PCDHGA5: variants seen among roughly 807,000 people sequenced by gnomAD.
The protein encoded by PCDHGA5 is protocadherin gamma-A5.
In PCDHGA5, 36 loss-of-function variants were observed where a neutral mutation model predicts 56.7. The observed-to-expected ratio is 0.64, with a 90% CI of 0.49 to 0.84. The LOEUF (loss-of-function observed/expected upper bound fraction) is 0.84, where lower values mean the gene tolerates loss of function less well. PCDHGA5 is among the 40% of genes least tolerant of loss of function. The probability of loss-of-function intolerance (pLI) is 0.00; values close to 1 mark genes in which losing one functional copy is unlikely to be tolerated. For missense variants in PCDHGA5, 1,305 were observed against 1,201.5 expected (o/e 1.09, Z -1.27); for synonymous variants, 563 against 520.2 (o/e 1.08, Z -1.12).
At chr5:141,483,801 C>CT (rs1486591615) in intron 1 of PCDHGA5, among the ~76,000 whole-genome samples, 8 of 152,168 alleles carry the variant, frequency 5.3e-5, no homozygotes, top group Non-Finnish European at 8.8e-5. Flanking sequence ...GTTGTTGCTG[C>CT]TTTTTTTGGC....
In PCDHGA5 at chr5:141,476,707, G is replaced by A. The variant is rs1309848893; in HGVS notation, c.2422-18100G>A. 6.2e-7 allele frequency: 1 copy of A among 1,614,206 alleles called. No individual in the cohort carries two copies. The highest frequency in any genetic ancestry group is 1.7e-5 in the Admixed American group (1 of 60,032). On this transcript the variant is annotated intron_variant, in intron 1 of 3. Coordinates refer to ENST00000518069, the MANE Select transcript of PCDHGA5 (RefSeq NM_018918.3). This position sits in a 1 kb window ranked among gnomAD's most constrained non-coding sequence, Gnocchi z 7.6. ...ACAGCACCAAGTACGCGGAGCTGGT[G>A]TTGGAGCGCGCCCTGGACCGAGAAC...
chr5:141,396,720 C>T (rs1432240411), intron 1 of PCDHGA5: 1 of 151,964 alleles, frequency 6.6e-6, no homozygotes, highest in Non-Finnish European at 1.5e-5. Flanking sequence ...AAGCTAATAC[C>T]TGAATTGATT....
rs936750924 is a variant in PCDHGA5, at chr5:141,418,950, T to A, written c.2421+52199T>A. On this transcript the variant is annotated intron_variant, in intron 1 of 3. Transcript: ENST00000518069. ...ATTATGGAGGATTCCCCTCCAGGAG[T>A]GGTTGTTGCCCTCTTCAAAACACGG... 23 of 1,613,742 alleles carry A rather than the reference T, an allele frequency of 1.4e-5. No individual in the cohort carries two copies. Among genetic ancestry groups the A allele is most frequent in the Non-Finnish European group, 1.9e-5 (23 of 1,179,860 alleles).
chr5:141,402,749 G>A (rs768250544), intron 1 of PCDHGA5, among the ~76,000 whole-genome samples: 4 of 152,152 alleles, frequency 2.6e-5, no homozygotes, highest in Non-Finnish European at 5.9e-5. Flanking sequence ...TCAACTCTAA[G>A]CGAAAATCAG....
chr5:141,372,095 G>C (rs1359793562), intron 1 of PCDHGA5: 1 of 1,613,790 alleles, frequency 6.2e-7, no homozygotes, highest in Admixed American at 1.7e-5. Context: ...ACCCAGCTCT[G>C]GGGCCCGAAG....
intron 1 of PCDHGA5, among the ~76,000 whole-genome samples, chr5:141,381,944 C>G (rs1777787484): frequency 6.7e-6 from 1 of 149,738 alleles, no homozygotes; most frequent in African/African-American, 2.5e-5. Context: ...ATTTTCCTGC[C>G]TCAGCCTCCT....
rs764658508 is a variant in PCDHGA5 at position 141,431,546 on chromosome 5, G to A, written c.2422-63261G>A. 1.2e-6 allele frequency: 2 copies of A among 1,614,000 alleles called. No homozygotes were observed. Among genetic ancestry groups the A allele is most frequent in the Admixed American group, 3.3e-5 (2 of 60,012 alleles). On this transcript the variant is annotated intron_variant, in intron 1 of 3. Coordinates refer to ENST00000518069, the MANE Select transcript of PCDHGA5 (RefSeq NM_018918.3). This position sits in a 1 kb window ranked among gnomAD's most constrained non-coding sequence, Gnocchi z 4.8. The stretch of plus-strand genomic sequence containing the variant: ...TCTGGCCTTGGGCACGCAGCTGCTT[G>A]TAGTCAACGCTACCGACCCTGACGA...
chr5:141,399,561 GT>G, intron 1 of PCDHGA5: 1 of 1,614,042 alleles, frequency 6.2e-7, no homozygotes, highest in Non-Finnish European at 8.5e-7. Context: ...TGGACTTGGG[GT>G]TGAACGGCCA....
chr5:141,472,364 AC>A (rs2099278314), intron 1 of PCDHGA5, among the ~76,000 whole-genome samples: 1 of 151,866 alleles, frequency 6.6e-6, no homozygotes, highest in Non-Finnish European at 1.5e-5. Flanking sequence ...ACACGGTGAA[AC>A]CCCGTCTCCA....
At chr5:141,385,018 T>TTCGTCC in intron 1 of PCDHGA5, 1 of 1,614,144 alleles carries the variant, frequency 6.2e-7, no homozygotes, top group Non-Finnish European at 8.5e-7. Flanking sequence ...CTTCCTAGCC[T>TTCGTCC]TCGTCCTCGT....
rs779459928 is a variant in PCDHGA5, at chr5:141,375,433, C to G, written c.2421+8682C>G. 39 of 1,613,898 alleles carry G rather than the reference C, an allele frequency of 2.4e-5. No homozygotes were observed. The South Asian group carries it at 4.3e-4, about 18-fold the overall frequency. ...TGGCAGACACCAACGACAACCCGCC[C>G]ACCTTCCCCCATTCATCCTACTCAG... On this transcript the variant is annotated intron_variant, in intron 1 of 3. Coordinates refer to ENST00000518069, the MANE Select transcript of PCDHGA5 (RefSeq NM_018918.3).
chr5:141,372,405 A>T, intron 1 of PCDHGA5: 2 of 1,614,024 alleles, frequency 1.2e-6, no homozygotes, highest in Non-Finnish European at 1.7e-6. Context: ...CTTGCAAGAG[A>T]TACAACCTGA....
At chr5:141,375,183 C>T (rs773640182) in intron 1 of PCDHGA5, 12 of 1,613,848 alleles carry the variant, frequency 7.4e-6, no homozygotes, top group Admixed American at 1.7e-5. Flanking sequence ...ACAGTAATCG[C>T]CCTTTTTCAA....
rs771647688 is a variant in PCDHGA5 at position 141,399,795 on chromosome 5, G to A, written c.2421+33044G>A. 10 of 1,613,202 alleles carry A rather than the reference G, an allele frequency of 6.2e-6. No individual in the cohort carries two copies. In the South Asian group the frequency reaches 8.8e-5, roughly 14 times the overall value. On this transcript the variant is annotated intron_variant, in intron 1 of 3. Transcript: ENST00000518069. ...TGGGCGACCGAAACGACAACGCACC[G>A]CGGGTGCTGTACCCCGCGCTGGGTC...
At chr5:141,424,129 T>G in intron 1 of PCDHGA5, 1 of 492,066 alleles carries the variant, frequency 2.0e-6, no homozygotes, top group Non-Finnish European at 2.7e-6. Context: ...TCCTGTTGAT[T>G]TAATAGCATG....
At chr5:141,377,786 A>G (rs1774350895) in intron 1 of PCDHGA5, 1 of 152,178 alleles carries the variant, frequency 6.6e-6, no homozygotes, top group African/African-American at 2.4e-5. Flanking sequence ...GACCTGAATA[A>G]CATTCCTGTA....
chr5:141,403,595 T>G (rs2094430008), intron 1 of PCDHGA5: 1 of 1,613,824 alleles, frequency 6.2e-7, no homozygotes, highest in East Asian at 2.2e-5. Flanking sequence ...CCTCACGGCC[T>G]CGGATGGCGG....
Position 141,409,704 on chromosome 5 carries a change from T to C in PCDHGA5, c.2421+42953T>C. ...GCGAGTGACCTAGAGCCCCTGGCGG[T>C]GTCGTCATACGTGTCAGTGAGCGCG... On this transcript the variant is annotated intron_variant, in intron 1 of 3. Transcript: ENST00000518069. 6.2e-7 allele frequency: 1 copy of C among 1,613,248 alleles called. No homozygotes were observed. Among genetic ancestry groups the C allele is most frequent in the South Asian group, 1.1e-5 (1 of 91,072 alleles).
At position 141,511,246 on chromosome 5, in the gene PCDHGA5, G is replaced by A; in HGVS notation, c.*73G>A. 2 of 1,578,734 alleles carry A rather than the reference G, an allele frequency of 1.3e-6. No homozygotes were observed. Among genetic ancestry groups the A allele is most frequent in the Non-Finnish European group, 1.7e-6 (2 of 1,162,472 alleles). On this transcript the variant is annotated 3_prime_UTR_variant, in exon 4 of 4. Coordinates refer to ENST00000518069, the MANE Select transcript of PCDHGA5 (RefSeq NM_018918.3). The stretch of plus-strand genomic sequence containing the variant: ...CCAGCTTCTCCTTACCTGCACCCAG[G>A]CCTCAGAGTTTCAGGGCTAACCCCC...
Sources: gnomAD v4.1 joint callset for allele counts (sites outside exome capture counted in the v4.1 genomes callset) on GRCh38, gnomAD v4.1.1 for gene constraint, Gnocchi (gnomAD v3.1) non-coding constraint, MANE v1.5 for transcripts, NCBI Gene and HGNC (gene_info 2026-07-23, HGNC 2026-07-21) for gene names.